FYN: variants seen among roughly 807,000 people sequenced by gnomAD.
The protein encoded by FYN is FYN proto-oncogene, Src family tyrosine kinase.
In FYN, 10 loss-of-function variants were observed where a neutral mutation model predicts 70.2. The observed-to-expected ratio is 0.14, with a 90% CI of 0.09 to 0.24. The LOEUF (loss-of-function observed/expected upper bound fraction) is 0.24, where lower values mean the gene tolerates loss of function less well. Ranked by LOEUF, FYN falls within the 10% of genes least tolerant of loss-of-function variation. The pLI, the probability that FYN is intolerant of heterozygous loss-of-function variation, is 1.00. For synonymous variants in FYN, 236 were observed against 248.6 expected, an observed-to-expected ratio of 0.95 and a Z score of 0.48; for missense variants, 319 against 673.1, an observed-to-expected ratio of 0.47 and a Z score of 5.82.
intron 3 of FYN, among the ~76,000 whole-genome samples, 199 bp from the exon 4 acceptor site, chr6:111,720,261 A>G (rs551260251): frequency 1.3e-5 from 2 of 152,246 alleles, no homozygotes; most frequent in Admixed American, 1.3e-4. Context: ...TTTGTTCCCC[A>G]TATGTTCTGG....
At chr6:111,750,717 A>ATTTTTT (rs71759856) in intron 3 of FYN, among the ~76,000 whole-genome samples, 1 of 130,748 alleles carries the variant, frequency 7.6e-6, no homozygotes, top group Non-Finnish European at 1.6e-5. Context: ...AATTCATGTC[A>ATTTTTT]TTTTTTTTTT....
chr6:111,782,450 C>T (rs1165431222), intron 2 of FYN, among the ~76,000 whole-genome samples: 1 of 152,140 alleles, frequency 6.6e-6, no homozygotes, highest in East Asian at 1.9e-4. Context: ...AGGTCCTAAA[C>T]ATGTAGATGG....
At chr6:111,824,021 T>C (rs763000994) in intron 2 of FYN, among the ~76,000 whole-genome samples, 7 of 152,212 alleles carry the variant, frequency 4.6e-5, no homozygotes, top group South Asian at 2.1e-4. Flanking sequence ...GCTGTGGATA[T>C]AGAATACTCA....
chr6:111,748,423 GAC>G (rs558331715), intron 3 of FYN, among the ~76,000 whole-genome samples: 161 of 152,342 alleles, frequency 1.1e-3, no homozygotes, highest in African/African-American at 3.6e-3. Flanking sequence ...GTTTTCAACA[GAC>G]ACACTCATTT....
intron 12 of FYN, among the ~76,000 whole-genome samples, chr6:111,679,896 G>A (rs761854223): frequency 6.6e-6 from 1 of 152,106 alleles, no homozygotes; most frequent in African/African-American, 2.4e-5. Context: ...CTGGGGATGG[G>A]GGTGGTTAGT....
chr6:111,666,135 G>A (rs986855351), intron 13 of FYN, among the ~76,000 whole-genome samples: 2 of 151,674 alleles, frequency 1.3e-5, no homozygotes, highest in East Asian at 1.9e-4. Flanking sequence ...CTGAGTAGCT[G>A]GGATCCTTTT....
intron 1 of FYN, among the ~76,000 whole-genome samples, chr6:111,862,028 C>T (rs1448570079): frequency 6.6e-6 from 1 of 152,160 alleles, no homozygotes; most frequent in African/African-American, 2.4e-5. Context: ...CAGAGGCACT[C>T]AGTTAAATGT....
intron 2 of FYN, among the ~76,000 whole-genome samples, chr6:111,817,728 C>A (rs1772534425): frequency 6.6e-6 from 1 of 152,210 alleles, no homozygotes; most frequent in African/African-American, 2.4e-5. Flanking sequence ...ACATTGCTTT[C>A]CTTAAATGCT....
chr6:111,817,909 CA>C (rs1195788815), intron 2 of FYN, among the ~76,000 whole-genome samples: 1 of 152,202 alleles, frequency 6.6e-6, no homozygotes, highest in Non-Finnish European at 1.5e-5. Context: ...TGTCTGGTTA[CA>C]ACAGTGCCTG....
intron 3 of FYN, among the ~76,000 whole-genome samples, chr6:111,779,983 T>C (rs539782532): frequency 1.8e-4 from 28 of 152,256 alleles, no homozygotes; most frequent in Middle Eastern, 3.4e-3. Flanking sequence ...CCAGTAGGTA[T>C]AGAACTTACA....
intron 2 of FYN, among the ~76,000 whole-genome samples, chr6:111,842,675 C>T (rs1773399424): frequency 1.3e-5 from 2 of 152,184 alleles, no homozygotes; most frequent in Admixed American, 6.5e-5. Flanking sequence ...AATTTTCCCA[C>T]CTCTTAACCA....
intron 3 of FYN, among the ~76,000 whole-genome samples, chr6:111,766,346 C>T (rs558805057): frequency 6.6e-6 from 1 of 152,164 alleles, no homozygotes; most frequent in Non-Finnish European, 1.5e-5. Flanking sequence ...CATCTATTTT[C>T]CTCCCAGTCA....
At chr6:111,679,097 T>C (rs1298011217) in intron 12 of FYN, among the ~76,000 whole-genome samples, 2 of 152,220 alleles carry the variant, frequency 1.3e-5, no homozygotes, top group African/African-American at 4.8e-5. Context: ...TCCTCTCTCC[T>C]CTGCAACCTC....
At chr6:111,828,070 G>A (rs1562536110) in intron 2 of FYN, among the ~76,000 whole-genome samples, 1 of 152,170 alleles carries the variant, frequency 6.6e-6, no homozygotes, top group Non-Finnish European at 1.5e-5. Context: ...GGTTACAGTT[G>A]ACTGTGTACC....
chr6:111,847,193 G>A (rs1305069882), intron 1 of FYN, among the ~76,000 whole-genome samples: 1 of 152,194 alleles, frequency 6.6e-6, no homozygotes, highest in Non-Finnish European at 1.5e-5. Flanking sequence ...CCAGCAGCCT[G>A]CATCATCTTG....
intron 3 of FYN, among the ~76,000 whole-genome samples, chr6:111,753,636 CAA>C (rs79090425): frequency 2.1e-4 from 28 of 132,510 alleles, no homozygotes; most frequent in Admixed American, 3.0e-4. Context: ...GGGCCTAAAC[CAA>C]AAAAAAAAAA....
At chr6:111,824,583 C>A (rs2114382234) in intron 2 of FYN, among the ~76,000 whole-genome samples, 1 of 152,276 alleles carries the variant, frequency 6.6e-6, no homozygotes, top group Middle Eastern at 3.4e-3. Context: ...GTTTTCAGGT[C>A]ACATATAGTT....
chr6:111,667,158 CTTTTCT>C (rs1378197165), intron 13 of FYN, among the ~76,000 whole-genome samples: 1 of 152,096 alleles, frequency 6.6e-6, no homozygotes, highest in East Asian at 1.9e-4. Flanking sequence ...TTTCTTTTCC[CTTTTCT>C]TTTAAACTTC....
chr6:111,853,415 T>C (rs560565271), intron 1 of FYN, among the ~76,000 whole-genome samples: 1 of 151,960 alleles, frequency 6.6e-6, no homozygotes, highest in South Asian at 2.1e-4. Flanking sequence ...GAAAATACAT[T>C]GTGCAACTCT....
Sources: allele counts gnomAD v4.1 joint callset (sites outside exome capture counted in the v4.1 genomes callset), GRCh38; gene constraint gnomAD v4.1.1; transcripts MANE v1.5; gene names NCBI Gene and HGNC (gene_info 2026-07-23, HGNC 2026-07-21).